EXT1: variants seen among roughly 807,000 people sequenced by gnomAD.
EXT1 encodes the protein exostosin glycosyltransferase 1, also known as exostosin-1.
Under a neutral mutation model 82.5 loss-of-function variants are expected in EXT1, and 20 were observed. The ratio of observed to expected loss-of-function variants is 0.24; its 90% confidence interval spans 0.17 to 0.35. The LOEUF (loss-of-function observed/expected upper bound fraction) is 0.35, where lower values mean the gene tolerates loss of function less well. Among genes scored for constraint, EXT1 ranks in the 10% least tolerant of loss-of-function variants. The pLI, the probability that EXT1 is intolerant of heterozygous loss-of-function variation, is 1.00. For synonymous variants in EXT1, 348 were observed against 350.8 expected (o/e 0.99, Z 0.09); for missense variants, 757 against 936.5 (o/e 0.81, Z 2.50).
intron 1 of EXT1, among the ~76,000 whole-genome samples, chr8:118,047,409 T>C (rs1816639668): frequency 6.6e-6 from 1 of 152,158 alleles, no homozygotes; most frequent in Non-Finnish European, 1.5e-5. Flanking sequence ...TTTTAAGCAC[T>C]AAATAAGGAT....
At chr8:118,057,075 C>T (rs763672474) in intron 1 of EXT1, among the ~76,000 whole-genome samples, 4 of 152,208 alleles carry the variant, frequency 2.6e-5, no homozygotes, top group Non-Finnish European at 5.9e-5. Context: ...CAGGACTGCT[C>T]TCCTCCTCCA....
At position 117,801,866 on chromosome 8, in the gene EXT1, T is replaced by C. The variant is rs543960813; in HGVS notation, c.2056-1969A>G. On this transcript the variant is annotated intron_variant, in intron 10 of 10. Coordinates refer to ENST00000378204, the MANE Select transcript of EXT1 (RefSeq NM_000127.3). ...AGGGTGCTGTACCCAGGCAAAATAC[T>C]CATATATGCAACTAGAAATACTGTC... 2.0e-5 allele frequency among the ~76,000 whole-genome samples: 3 copies of C among 152,362 alleles called. No homozygotes were observed. The South Asian group carries it at 6.2e-4, about 32-fold the overall frequency.
intron 1 of EXT1, among the ~76,000 whole-genome samples, chr8:117,962,891 A>G (rs1039164132): frequency 2.6e-5 from 4 of 151,990 alleles, no homozygotes; most frequent in African/African-American, 9.7e-5. Context: ...GCACTGCTGC[A>G]CTCCAGCCTA....
intron 1 of EXT1, among the ~76,000 whole-genome samples, chr8:117,992,121 T>A (rs1815446801): frequency 6.6e-6 from 1 of 152,190 alleles, no homozygotes; most frequent in Non-Finnish European, 1.5e-5. Flanking sequence ...ATAAAACATG[T>A]TGGCAGCTGC....
At position 117,997,698 on chromosome 8, in the gene EXT1, A is replaced by ATACAGAGGTACAG. The variant is rs1395456466; in HGVS notation, c.962+112386_962+112387insCTGTACCTCTGTA. On this transcript the variant is annotated intron_variant, in intron 1 of 10. Transcript: ENST00000378204. ...TTCCATTATTCAGTAGAGGTACAGA[A>ATACAGAGGTACAG]TAGTAAACAGCCTACTCTGTGCTTG... Among the ~76,000 whole-genome samples the ATACAGAGGTACAG allele has an allele frequency of 2.6e-5, 4 of 152,364 alleles. No individual in the cohort carries two copies. In the East Asian group the frequency reaches 7.7e-4, roughly 29 times the overall value.
intron 10 of EXT1, among the ~76,000 whole-genome samples, chr8:117,802,423 T>C (rs1823182832): frequency 6.6e-6 from 1 of 152,244 alleles, no homozygotes; most frequent in Admixed American, 6.5e-5. Flanking sequence ...TTGTCCCATA[T>C]ACTGTAATAC....
At chr8:117,856,267 T>TGC (rs1554581448) in intron 1 of EXT1, among the ~76,000 whole-genome samples, 2 of 133,396 alleles carry the variant, frequency 1.5e-5, no homozygotes, top group African/African-American at 3.0e-5. Context: ...TTTTTTTTTT[T>TGC]GTGGGGGGAC....
intron 1 of EXT1, among the ~76,000 whole-genome samples, chr8:118,038,938 T>C (rs1463545655): frequency 6.6e-6 from 1 of 152,212 alleles, no homozygotes; most frequent in African/African-American, 2.4e-5. Context: ...GACTATTCAT[T>C]TCTGGCATAG....
intron 1 of EXT1, among the ~76,000 whole-genome samples, chr8:118,012,889 A>ATTTGTTGTAGCAGAAT (rs1461061410): frequency 1.3e-5 from 2 of 152,118 alleles, no homozygotes; most frequent in Non-Finnish European, 2.9e-5. Flanking sequence ...CTTTTCCTAA[A>ATTTGTTGTAGCAGAAT]TTTGTTGTAG....
At chr8:118,052,633 C>G (rs564567240) in intron 1 of EXT1, among the ~76,000 whole-genome samples, 1 of 152,160 alleles carries the variant, frequency 6.6e-6, no homozygotes, top group African/African-American at 2.4e-5. Flanking sequence ...AAACTTTAAA[C>G]CCCATTTAAT....
chr8:117,899,180 T>A (rs1480538205), intron 1 of EXT1, among the ~76,000 whole-genome samples: 1 of 152,228 alleles, frequency 6.6e-6, no homozygotes, highest in African/African-American at 2.4e-5. Flanking sequence ...AAATTTACAT[T>A]ATCTGTCTAA....
chr8:118,033,666 C>A (rs368447588), intron 1 of EXT1, among the ~76,000 whole-genome samples: 2 of 151,810 alleles, frequency 1.3e-5, no homozygotes, highest in African/African-American at 4.8e-5. Context: ...TTTGTAGAGA[C>A]GAGGGGTCTC....
intron 1 of EXT1, among the ~76,000 whole-genome samples, chr8:117,904,689 C>T (rs1813510994): frequency 6.6e-6 from 1 of 152,062 alleles, no homozygotes; most frequent in Non-Finnish European, 1.5e-5. Flanking sequence ...ACTACCTGCC[C>T]CCCAACACCA....
At chr8:117,922,281 C>T (rs181728070) in intron 1 of EXT1, among the ~76,000 whole-genome samples, 22 of 152,124 alleles carry the variant, frequency 1.4e-4, no homozygotes, top group Admixed American at 9.2e-4. Context: ...ATTTTATCTC[C>T]CGAGGTCTAA....
At chr8:118,099,129 T>C (rs1250217347) in intron 1 of EXT1, among the ~76,000 whole-genome samples, 1 of 152,248 alleles carries the variant, frequency 6.6e-6, no homozygotes, top group African/African-American at 2.4e-5. Flanking sequence ...TTATAGTTCA[T>C]CAAATATCCA....
At chr8:117,876,061 C>A (rs1029469585) in intron 1 of EXT1, among the ~76,000 whole-genome samples, 3 of 152,120 alleles carry the variant, frequency 2.0e-5, no homozygotes, top group Admixed American at 1.3e-4. Context: ...AAGAGATGCC[C>A]AATATGTAGA....
Position 117,996,587 on chromosome 8 carries a change from C to T in EXT1, c.962+113498G>A, listed in dbSNP as rs535774706. On this transcript the variant is annotated intron_variant, in intron 1 of 10. Coordinates refer to ENST00000378204, the MANE Select transcript of EXT1 (RefSeq NM_000127.3). Reference sequence around the variant, plus strand: ...ATCTGTGCACCGTCCTATCTTAATGCTTGGCCCCAGAATCCATCAACTTAA... The same window carrying T: ...ATCTGTGCACCGTCCTATCTTAATGTTTGGCCCCAGAATCCATCAACTTAA... 2.0e-5 allele frequency among the ~76,000 whole-genome samples: 3 copies of T among 152,332 alleles called. No homozygotes were observed. The East Asian group carries it at 5.8e-4, about 29-fold the overall frequency.
Position 118,111,344 on chromosome 8 carries a change from C to A in EXT1, c.-298G>T. The A allele has an allele frequency of 1.7e-6, 1 of 572,832 alleles. No homozygotes were observed. Among genetic ancestry groups the A allele is most frequent in the Non-Finnish European group, 3.1e-6 (1 of 323,756 alleles). The allele number at this position is 572,832 out of a possible 1,614,324, so 35.5% of individuals were successfully genotyped here. Reference sequence around the variant, plus strand: ...CAGCGGACTGTAATTTTCTTGCATGCAACAAGACGGAGGAAAAGAAAGAGA... The same window carrying A: ...CAGCGGACTGTAATTTTCTTGCATGAAACAAGACGGAGGAAAAGAAAGAGA... On this transcript the variant is annotated 5_prime_UTR_variant, in exon 1 of 11. Coordinates refer to ENST00000378204, the MANE Select transcript of EXT1 (RefSeq NM_000127.3).
chr8:117,973,349 AGT>A (rs1814979693), intron 1 of EXT1, among the ~76,000 whole-genome samples: 1 of 152,180 alleles, frequency 6.6e-6, no homozygotes, highest in Non-Finnish European at 1.5e-5. Flanking sequence ...GGTTCTAACC[AGT>A]GTTGTATGGG....
Sources: gnomAD v4.1 joint callset for allele counts (sites outside exome capture counted in the v4.1 genomes callset) on GRCh38, gnomAD v4.1.1 for gene constraint, MANE v1.5 for transcripts, NCBI Gene and HGNC (gene_info 2026-07-23, HGNC 2026-07-21) for gene names.